Variants in PHC3 observed in about 807,000 individuals in gnomAD.
PHC3 encodes the protein polyhomeotic homolog 3, also known as polyhomeotic-like protein 3.
A neutral mutation model predicts 107.4 loss-of-function variants in PHC3; 13 were observed. The observed-to-expected ratio is 0.12, with a 90% CI of 0.08 to 0.19. PHC3 has a LOEUF of 0.19. Ranked by LOEUF, PHC3 falls within the 10% of genes least tolerant of loss-of-function variation. The pLI, the probability that PHC3 is intolerant of heterozygous loss-of-function variation, is 1.00. For synonymous variants in PHC3, 456 were observed against 427.4 expected, an observed-to-expected ratio of 1.07 and a Z score of -0.83; for missense variants, 992 against 1,210.9, an observed-to-expected ratio of 0.82 and a Z score of 2.68.
intron 10 of PHC3, among the ~76,000 whole-genome samples, chr3:170,115,121 A>C (rs1718648759): frequency 6.6e-6 from 1 of 152,172 alleles, no homozygotes; most frequent in South Asian, 2.1e-4. Flanking sequence ...TAAGAAACTT[A>C]TTTAAAATGT....
At chr3:170,165,675 A>T (rs1019710612) in intron 4 of PHC3, among the ~76,000 whole-genome samples, 3 of 148,214 alleles carry the variant, frequency 2.0e-5, no homozygotes, top group African/African-American at 5.0e-5. Flanking sequence ...AACTGCTTGA[A>T]CCCAGGAGGT....
intron 11 of PHC3, among the ~76,000 whole-genome samples, chr3:170,111,959 CAA>C: frequency 6.6e-6 from 1 of 152,222 alleles, no homozygotes; most frequent in East Asian, 1.9e-4. Flanking sequence ...TACTTAGACA[CAA>C]GTGTTAATTC....
At chr3:170,111,468 G>A (rs537154496) in intron 11 of PHC3, among the ~76,000 whole-genome samples, 2 of 151,002 alleles carry the variant, frequency 1.3e-5, no homozygotes, top group South Asian at 4.2e-4. Context: ...GGAGAAGAGA[G>A]AAGAAAAAAG....
rs747331326 is a variant in PHC3, at chr3:170,172,689, C to T, written c.204G>A (p.Arg68=). 6.2e-7 allele frequency: 1 copy of T among 1,608,610 alleles called. No homozygotes were observed. Among genetic ancestry groups the T allele is most frequent in the Non-Finnish European group, 8.5e-7 (1 of 1,176,120 alleles). Residue 68 remains arginine, a synonymous_variant, in exon 3 of 15, where the codon CGG becomes CGA. Coordinates refer to ENST00000495893, the MANE Select transcript of PHC3 (RefSeq NM_024947.4). ...GGTACTGAGCAGCTGAGCTGGGGGG[C>T]CGATGCAATGCCTGTTGAATTACCT... is the stretch of plus-strand genomic sequence containing the variant. ...AVQVIQQALH[R]PPSSAAQYLQ...
At chr3:170,181,641 C>A in intron 1 of PHC3, 61 bp downstream of exon 1, 3 of 1,611,690 alleles carry the variant, frequency 1.9e-6, no homozygotes, top group Admixed American at 3.3e-5. Flanking sequence ...CCTGGGGGAA[C>A]GTGTCGCTGC....
intron 6 of PHC3, among the ~76,000 whole-genome samples, chr3:170,141,675 G>A (rs994541607): frequency 6.6e-6 from 1 of 151,984 alleles, no homozygotes; most frequent in Non-Finnish European, 1.5e-5. Flanking sequence ...GCAGTGGCTC[G>A]ATCTTGGCTC....
intron 12 of PHC3, among the ~76,000 whole-genome samples, chr3:170,106,369 T>C (rs1444313054): frequency 6.6e-6 from 1 of 152,114 alleles, no homozygotes; most frequent in Non-Finnish European, 1.5e-5. Context: ...CTAAAATAAA[T>C]AGGATGATTC....
chr3:170,172,700 C>T lies in PHC3; in HGVS notation c.193G>A (p.Ala65Thr). The T allele has an allele frequency of 1.9e-6, 3 of 1,604,726 alleles. No individual in the cohort carries two copies. The African/African-American group carries it at 4.0e-5, about 21-fold the overall frequency. ...GCTGAGCTGGGGGGCCGATGCAATG[C>T]CTGTTGAATTACCTGTGATAAGTCA... ...DRHAVQVIQQ[A>T]LHRPPSSAAQ... is the part of the protein sequence containing the mutation. Residue 65 changes from alanine (A) to threonine (T), a missense_variant, in exon 3 of 15, where the codon GCA (alanine) becomes ACA (threonine). Coordinates refer to ENST00000495893, the MANE Select transcript of PHC3 (RefSeq NM_024947.4).
At position 170,130,921 on chromosome 3, in the gene PHC3, T is replaced by C. The variant is rs568018015; in HGVS notation, c.920-1369A>G. Among the ~76,000 whole-genome samples the C allele has an allele frequency of 6.6e-5, 10 of 152,220 alleles. No homozygotes were observed. In the East Asian group the frequency reaches 7.7e-4, roughly 12 times the overall value. Reference sequence around the variant, plus strand: ...TTTAAAGACAGGGCAATTTTTTTTTTCCTAACCTTGGAATATTAGGAGAAA... The same window carrying C: ...TTTAAAGACAGGGCAATTTTTTTTTCCCTAACCTTGGAATATTAGGAGAAA... On this transcript the variant is annotated intron_variant, in intron 7 of 14. Transcript: ENST00000495893.
Position 170,117,218 on chromosome 3 carries a change from C to T in PHC3, c.2193+8G>A, listed in dbSNP as rs1389464530. 1.2e-6 allele frequency: 2 copies of T among 1,613,762 alleles called. No homozygotes were observed. Among genetic ancestry groups the T allele is most frequent in the African/African-American group, 2.7e-5 (2 of 74,920 alleles). ...ACAAACACACACACAAATATGCTTGCTACTTACAGGAAATGGCTCCAATCC... is the reference window on the plus strand; with the variant it reads ...ACAAACACACACACAAATATGCTTGTTACTTACAGGAAATGGCTCCAATCC... On this transcript the variant is annotated splice_region_variant and intron_variant, in intron 10 of 14. Transcript: ENST00000495893.
intron 9 of PHC3, 129 bp downstream of exon 9, chr3:170,122,462 C>A: frequency 1.1e-6 from 1 of 918,872 alleles, no homozygotes; most frequent in Non-Finnish European, 1.7e-6. Flanking sequence ...AATCAGCCAG[C>A]TGTAATGGTG....
At chr3:170,162,665 C>T (rs1483002641) in intron 4 of PHC3, among the ~76,000 whole-genome samples, 2 of 152,172 alleles carry the variant, frequency 1.3e-5, no homozygotes, top group Non-Finnish European at 2.9e-5. Flanking sequence ...CTGTCTTTGA[C>T]CCCTAGAACC....
At chr3:170,165,982 A>T (rs936905788) in intron 4 of PHC3, among the ~76,000 whole-genome samples, 13 of 133,504 alleles carry the variant, frequency 9.7e-5, no homozygotes, top group East Asian at 2.7e-4. Context: ...AAAAGAAATT[A>T]AAAAAAAAAA....
chr3:170,159,799 G>C (rs759827406), intron 4 of PHC3, among the ~76,000 whole-genome samples: 1 of 152,068 alleles, frequency 6.6e-6, no homozygotes, highest in African/African-American at 2.4e-5. Flanking sequence ...AGTTACCCCA[G>C]AAGAATGATA....
chr3:170,164,339 T>C (rs1447461923), intron 4 of PHC3, among the ~76,000 whole-genome samples: 1 of 152,204 alleles, frequency 6.6e-6, no homozygotes, highest in Non-Finnish European at 1.5e-5. Context: ...AACAGTTTGT[T>C]CAATTTTATT....
chr3:170,111,468 GAAGA>G (rs1183253506), intron 11 of PHC3, among the ~76,000 whole-genome samples: 1 of 150,888 alleles, frequency 6.6e-6, no homozygotes, highest in Non-Finnish European at 1.5e-5. Flanking sequence ...GGAGAAGAGA[GAAGA>G]AAAAAGAAGG....
At chr3:170,171,075 T>C (rs571740654) in intron 4 of PHC3, 4 of 435,282 alleles carry the variant, frequency 9.2e-6, no homozygotes, top group African/African-American at 4.1e-5. Context: ...TATCCCTGCA[T>C]TGTATATTTT....
chr3:170,127,421 C>T (rs1721497439), intron 8 of PHC3, among the ~76,000 whole-genome samples: 1 of 152,208 alleles, frequency 6.6e-6, no homozygotes, highest in East Asian at 1.9e-4. Flanking sequence ...CCCACCTCAG[C>T]TTCCCAAAGT....
At chr3:170,122,523 A>T in intron 9 of PHC3, 68 bp downstream of exon 9, 1 of 1,537,068 alleles carries the variant, frequency 6.5e-7, no homozygotes, top group Non-Finnish European at 9.0e-7. Context: ...AAGGGAAAAA[A>T]ATCAACTTTT....
Sources: gnomAD v4.1 joint callset for allele counts (sites outside exome capture counted in the v4.1 genomes callset) on GRCh38, gnomAD v4.1.1 for gene constraint, MANE v1.5 for transcripts, NCBI Gene and HGNC (gene_info 2026-07-23, HGNC 2026-07-21) for gene names.